SP4: variants seen among roughly 807,000 people sequenced by gnomAD.
The protein encoded by SP4 is Sp4 transcription factor, also known as transcription factor Sp4.
In SP4, 19 loss-of-function variants were observed where a neutral mutation model predicts 72.8. The ratio of observed to expected loss-of-function variants is 0.26; its 90% CI spans 0.18 to 0.38. The LOEUF (loss-of-function observed/expected upper bound fraction) is 0.38, where lower values mean the gene tolerates loss of function less well. SP4 is among the 10% of genes least tolerant of loss of function. The pLI is 1.00. For missense variants in SP4, 1,008 were observed against 926.3 expected (o/e 1.09, Z -1.14); for synonymous variants, 395 against 333.1 (o/e 1.19, Z -2.02).
intron 4 of SP4, among the ~76,000 whole-genome samples, chr7:21,479,843 T>C (rs1451498604): frequency 2.0e-5 from 3 of 152,246 alleles, no homozygotes; most frequent in Non-Finnish European, 2.9e-5. Flanking sequence ...TTTGTACTTT[T>C]GTTAAATTCC....
rs372627454 is a variant in SP4 at position 21,462,303 on chromosome 7, C to G, written c.1679-14776C>G. ...CAGTTTCGGGACCATAGTATTGACTCAGATATCAGTGATGGGAAGTCTGAA... is the reference window on the plus strand; with the variant it reads ...CAGTTTCGGGACCATAGTATTGACTGAGATATCAGTGATGGGAAGTCTGAA... On this transcript the variant is annotated intron_variant, in intron 3 of 5. Transcript: ENST00000222584. 1.1e-3 allele frequency among the ~76,000 whole-genome samples: 160 copies of G among 152,064 alleles called. 1 individual carries two copies. Among genetic ancestry groups the G allele is most frequent in the African/African-American group, 3.7e-3 (155 of 41,472 alleles).
intron 3 of SP4, among the ~76,000 whole-genome samples, chr7:21,437,739 A>T (rs1049810591): frequency 2.0e-5 from 3 of 152,196 alleles, no homozygotes; most frequent in Admixed American, 6.5e-5. Flanking sequence ...ACCTGTGAAA[A>T]TGATTTGGGA....
chr7:21,507,700 G>A (rs1182823928), intron 5 of SP4, among the ~76,000 whole-genome samples: 1 of 152,066 alleles, frequency 6.6e-6, no homozygotes, highest in Non-Finnish European at 1.5e-5. Context: ...GCTGGTAAAT[G>A]TCAGAGGGAG....
intron 3 of SP4, among the ~76,000 whole-genome samples, chr7:21,455,143 A>C (rs756293060): frequency 4.6e-5 from 7 of 152,198 alleles, no homozygotes; most frequent in African/African-American, 1.7e-4. Context: ...GCGTGCTTCA[A>C]CCCTCAGGAA....
At chr7:21,475,919 T>C (rs974862666) in intron 3 of SP4, among the ~76,000 whole-genome samples, 1 of 152,212 alleles carries the variant, frequency 6.6e-6, no homozygotes, top group Non-Finnish European at 1.5e-5. Context: ...ATTCACATAC[T>C]TGTTATTCCC....
At chr7:21,507,871 T>C (rs1158911944) in intron 5 of SP4, among the ~76,000 whole-genome samples, 4 of 152,130 alleles carry the variant, frequency 2.6e-5, no homozygotes, top group African/African-American at 9.7e-5. Context: ...GGCCATTCTT[T>C]GTCCATTCTC....
intron 1 of SP4, 84 bp downstream of exon 1, chr7:21,428,342 C>T (rs1444656631): frequency 5.5e-6 from 4 of 732,852 alleles, no homozygotes; most frequent in Non-Finnish European, 1.0e-5. Context: ...TCTCCCCCCT[C>T]CCCCGGGGCC....
intron 3 of SP4, among the ~76,000 whole-genome samples, chr7:21,466,554 G>T (rs987988707): frequency 6.6e-6 from 1 of 152,090 alleles, no homozygotes; most frequent in Non-Finnish European, 1.5e-5. Flanking sequence ...CTAAACTGTT[G>T]CGCCTGTTCA....
At chr7:21,455,962 C>T (rs981809382) in intron 3 of SP4, among the ~76,000 whole-genome samples, 1 of 152,136 alleles carries the variant, frequency 6.6e-6, no homozygotes, top group African/African-American at 2.4e-5. Flanking sequence ...TCAAATATGA[C>T]CCTGAAGATC....
chr7:21,499,009 G>A (rs1476654334), intron 5 of SP4, among the ~76,000 whole-genome samples: 2 of 151,390 alleles, frequency 1.3e-5, no homozygotes, highest in Non-Finnish European at 2.9e-5. Context: ...GAACCTGAGG[G>A]GCAGAGCTTA....
At chr7:21,501,106 A>G (rs904056558) in intron 5 of SP4, among the ~76,000 whole-genome samples, 2 of 152,180 alleles carry the variant, frequency 1.3e-5, no homozygotes, top group African/African-American at 4.8e-5. Flanking sequence ...ACATCATCCA[A>G]GTTTCATTAT....
At chr7:21,502,297 C>G (rs1221334846) in intron 5 of SP4, among the ~76,000 whole-genome samples, 1 of 152,116 alleles carries the variant, frequency 6.6e-6, no homozygotes. Context: ...TTGCCTGACT[C>G]AACCTGTGAT....
At chr7:21,438,955 T>C (rs552086943) in intron 3 of SP4, among the ~76,000 whole-genome samples, 1 of 152,362 alleles carries the variant, frequency 6.6e-6, no homozygotes, top group African/African-American at 2.4e-5. Flanking sequence ...AAGCCAAATA[T>C]ATGCCAAAGA....
chr7:21,428,357 A>C, intron 1 of SP4, 99 bp downstream of exon 1: 1 of 721,086 alleles, frequency 1.4e-6, no homozygotes, highest in Non-Finnish European at 2.6e-6. Context: ...GGGGCCGCTG[A>C]GATGCTTTAA....
chr7:21,469,414 T>A (rs17144480), intron 3 of SP4, among the ~76,000 whole-genome samples: 5,896 of 152,210 alleles, frequency 0.039, 184 homozygotes, highest in African/African-American at 0.089. Context: ...CATGCTTTGT[T>A]CTTAAAATCA....
chr7:21,496,782 G>C (rs1418220748), intron 5 of SP4, among the ~76,000 whole-genome samples: 1 of 152,016 alleles, frequency 6.6e-6, no homozygotes, highest in Non-Finnish European at 1.5e-5. Context: ...GAAAGGTTCT[G>C]TGTGCATGTT....
At chr7:21,462,515 A>G (rs1350135153) in intron 3 of SP4, among the ~76,000 whole-genome samples, 2 of 152,212 alleles carry the variant, frequency 1.3e-5, no homozygotes, top group African/African-American at 2.4e-5. Flanking sequence ...ATGAACCTGA[A>G]TTTTGATATT....
intron 2 of SP4, 51 bp from the exon 3 acceptor site, chr7:21,429,238 C>T (rs1276528361): frequency 2.8e-6 from 3 of 1,071,000 alleles, no homozygotes; most frequent in South Asian, 1.5e-5. Context: ...CCACTAAATC[C>T]GCCCACTTTT....
chr7:21,461,702 G>A (rs1001971382), intron 3 of SP4, among the ~76,000 whole-genome samples: 15 of 152,228 alleles, frequency 9.9e-5, no homozygotes, highest in Admixed American at 3.9e-4. Context: ...ACGATGCAGC[G>A]GTGGGCTGAA....
Sources: allele counts gnomAD v4.1 joint callset (sites outside exome capture counted in the v4.1 genomes callset), GRCh38; gene constraint gnomAD v4.1.1; transcripts MANE v1.5; gene names NCBI Gene and HGNC (gene_info 2026-07-23, HGNC 2026-07-21).